Variants in MITF observed in about 807,000 individuals in gnomAD.
MITF encodes microphthalmia-associated transcription factor.
In MITF, 17 loss-of-function variants were observed where a neutral mutation model predicts 60.5. That is an observed-to-expected ratio of 0.28 (90% CI 0.19 to 0.42). MITF has a LOEUF of 0.42. Among genes scored for constraint, MITF ranks in the 10% least tolerant of loss-of-function variants. MITF has a pLI of 1.00. For missense variants in MITF, 622 were observed against 683.5 expected, an observed-to-expected ratio of 0.91 and a Z score of 1.00; for synonymous variants, 260 against 248.5, an observed-to-expected ratio of 1.05 and a Z score of -0.43.
At chr3:69,909,172 G>A (rs1016398393) in intron 2 of MITF, among the ~76,000 whole-genome samples, 10 of 152,112 alleles carry the variant, frequency 6.6e-5, no homozygotes, top group Admixed American at 5.9e-4. Context: ...TGGTTCTCAT[G>A]ATAGTGAATG....
At chr3:69,740,816 G>C (rs575109981) in intron 1 of MITF, among the ~76,000 whole-genome samples, 27 of 152,268 alleles carry the variant, frequency 1.8e-4, no homozygotes, top group African/African-American at 6.5e-4. Flanking sequence ...CTGTGGATGG[G>C]GCCTGGGTGA....
At chr3:69,822,743 TAC>T (rs1415531846) in intron 1 of MITF, among the ~76,000 whole-genome samples, 1 of 152,176 alleles carries the variant, frequency 6.6e-6, no homozygotes, top group Non-Finnish European at 1.5e-5. Flanking sequence ...CCCACCCACA[TAC>T]AAACACCAAA....
rs1413907146 is a variant in MITF, at chr3:69,964,969, C to A, written c.1302C>A (p.Asp434Glu). The part of the protein sequence containing the change: ...QEPVLENCSQ[D>E]LLQHHADLTC... ...CCGTTCTTGAGAACTGCAGCCAAGA[C>A]CTCCTTCAGCATCATGCAGACCTAA... Residue 434 changes from aspartate to glutamate, a missense_variant, in exon 10 of 10, where the codon GAC (aspartate) becomes GAA (glutamate). Coordinates refer to ENST00000352241, the MANE Select transcript of MITF (RefSeq NM_001354604.2). 2 of 1,613,980 alleles carry A rather than the reference C, an allele frequency of 1.2e-6. No individual in the cohort carries two copies. The highest frequency in any genetic ancestry group is 8.5e-7 in the Non-Finnish European group (1 of 1,180,034).
intron 1 of MITF, among the ~76,000 whole-genome samples, chr3:69,825,896 A>C (rs563109607): frequency 1.3e-5 from 2 of 152,166 alleles, no homozygotes; most frequent in Non-Finnish European, 2.9e-5. Flanking sequence ...TTAATCTCTA[A>C]TGATTTATTT....
chr3:69,761,192 TC>T (rs1234912168), intron 1 of MITF, among the ~76,000 whole-genome samples: 26 of 152,104 alleles, frequency 1.7e-4, no homozygotes, highest in African/African-American at 6.3e-4. Context: ...AAAAATTCTT[TC>T]TGTGTTAGAA....
intron 6 of MITF, among the ~76,000 whole-genome samples, 195 bp downstream of exon 6, chr3:69,949,363 G>A (rs1196603597): frequency 6.6e-6 from 1 of 151,726 alleles, no homozygotes; most frequent in Non-Finnish European, 1.5e-5. Flanking sequence ...TTTTTTCAAG[G>A]AGATCCTTGA....
chr3:69,898,865 T>C (rs1373393632), intron 2 of MITF, among the ~76,000 whole-genome samples: 2 of 152,202 alleles, frequency 1.3e-5, no homozygotes, highest in African/African-American at 4.8e-5. Flanking sequence ...CATTTATTCA[T>C]TCATTTACCC....
intron 2 of MITF, among the ~76,000 whole-genome samples, chr3:69,904,557 T>G (rs555056352): frequency 6.6e-6 from 1 of 152,336 alleles, no homozygotes; most frequent in South Asian, 2.1e-4. Context: ...TCCTGGTCCC[T>G]CTACCTCTCT....
intron 1 of MITF, among the ~76,000 whole-genome samples, chr3:69,766,879 A>T (rs1320691969): frequency 6.6e-6 from 1 of 152,182 alleles, no homozygotes; most frequent in African/African-American, 2.4e-5. Context: ...CAAGAGTTAA[A>T]ACTTACTGTA....
At chr3:69,817,892 T>C (rs1426491699) in intron 1 of MITF, among the ~76,000 whole-genome samples, 1 of 152,298 alleles carries the variant, frequency 6.6e-6, no homozygotes, top group East Asian at 1.9e-4. Flanking sequence ...AATGTGATTG[T>C]AATATCCTGC....
chr3:69,807,109 G>A (rs1575743666), intron 1 of MITF, among the ~76,000 whole-genome samples: 1 of 152,162 alleles, frequency 6.6e-6, no homozygotes, highest in South Asian at 2.1e-4. Context: ...CTCCAAGCAG[G>A]TATTCTGGCT....
chr3:69,937,067 T>G (rs1230761236), intron 2 of MITF: 1 of 265,188 alleles, frequency 3.8e-6, no homozygotes, highest in Non-Finnish European at 7.1e-6. Context: ...TGAATAATGT[T>G]GTTTTTTGGG....
chr3:69,782,733 A>G (rs2062586085), intron 1 of MITF, among the ~76,000 whole-genome samples: 1 of 152,124 alleles, frequency 6.6e-6, no homozygotes, highest in Non-Finnish European at 1.5e-5. Flanking sequence ...ATTTCTCAGG[A>G]TTTTTAGTTC....
chr3:69,827,331 T>G (rs895536703), intron 1 of MITF, among the ~76,000 whole-genome samples: 1 of 152,232 alleles, frequency 6.6e-6, no homozygotes, highest in Non-Finnish European at 1.5e-5. Flanking sequence ...TTTTGCTGCA[T>G]TAACAAAGGA....
intron 2 of MITF, among the ~76,000 whole-genome samples, chr3:69,883,604 G>C (rs2064539530): frequency 6.6e-6 from 1 of 152,140 alleles, no homozygotes; most frequent in African/African-American, 2.4e-5. Context: ...ATTGGCAAAA[G>C]GGACTTCTCC....
intron 1 of MITF, among the ~76,000 whole-genome samples, chr3:69,796,512 T>C (rs2062831686): frequency 7.8e-6 from 1 of 127,616 alleles, no homozygotes; most frequent in Non-Finnish European, 1.8e-5. Flanking sequence ...TTTTTTTTTT[T>C]TTTTTGAGAC....
intron 1 of MITF, among the ~76,000 whole-genome samples, chr3:69,787,067 A>G (rs2062661923): frequency 6.6e-6 from 1 of 152,178 alleles, no homozygotes; most frequent in Non-Finnish European, 1.5e-5. Context: ...TCTCTCCCGC[A>G]TGTGGTGAGA....
intron 1 of MITF, among the ~76,000 whole-genome samples, chr3:69,819,925 A>G (rs1183161328): frequency 1.3e-5 from 2 of 152,190 alleles, no homozygotes; most frequent in African/African-American, 2.4e-5. Flanking sequence ...AAGTTGCACC[A>G]TTGCACTCCA....
chr3:69,770,143 TTC>T (rs2062370706), intron 1 of MITF, among the ~76,000 whole-genome samples: 1 of 152,190 alleles, frequency 6.6e-6, no homozygotes, highest in Non-Finnish European at 1.5e-5. Flanking sequence ...GAAAAAAGAT[TTC>T]TTAGTATCTC....
Sources: allele counts gnomAD v4.1 joint callset (sites outside exome capture counted in the v4.1 genomes callset), GRCh38; gene constraint gnomAD v4.1.1; transcripts MANE v1.5; gene names NCBI Gene and HGNC (gene_info 2026-07-23, HGNC 2026-07-21).